CAMK2D: variants seen among roughly 807,000 people sequenced by gnomAD.
The protein encoded by CAMK2D is calcium/calmodulin dependent protein kinase II delta, also known as calcium/calmodulin-dependent protein kinase type II subunit delta.
A neutral mutation model predicts 84.0 loss-of-function variants in CAMK2D; 37 were observed. The observed-to-expected ratio is 0.44, with a 90% CI of 0.34 to 0.58. The LOEUF (loss-of-function observed/expected upper bound fraction) is 0.58, where lower values mean the gene tolerates loss of function less well. Among genes scored for constraint, CAMK2D ranks in the 20% least tolerant of loss-of-function variants. The pLI is 0.02. For synonymous variants in CAMK2D, 202 were observed against 212.5 expected (o/e 0.95, Z 0.43); for missense variants, 448 against 652.5 (o/e 0.69, Z 3.41).
At position 113,757,150 on chromosome 4, in the gene CAMK2D, G is replaced by A. The variant is rs1474467177; in HGVS notation, c.160+2170C>T. 3.9e-5 allele frequency among the ~76,000 whole-genome samples: 6 copies of A among 152,146 alleles called. No individual in the cohort carries two copies. The South Asian group carries it at 8.3e-4, about 21-fold the overall frequency. ...AAACGAAATTTATGCCTAAGTAGTA[G>A]AGCAAAGATTCAAACGTAGTTCTCA... On this transcript the variant is annotated intron_variant, in intron 2 of 20. Coordinates refer to ENST00000511664, the MANE Select transcript of CAMK2D (RefSeq NM_001321571.2).
intron 2 of CAMK2D, among the ~76,000 whole-genome samples, chr4:113,698,223 C>G (rs1393341056): frequency 1.3e-5 from 2 of 152,030 alleles, no homozygotes; most frequent in African/African-American, 4.8e-5. Flanking sequence ...AATCAAATTA[C>G]AGTTTCTATT....
At chr4:113,699,908 TTA>T (rs1476736975) in intron 2 of CAMK2D, among the ~76,000 whole-genome samples, 1 of 152,204 alleles carries the variant, frequency 6.6e-6, no homozygotes, top group Non-Finnish European at 1.5e-5. Flanking sequence ...TCCTTAGGAA[TTA>T]TGAGTCATGT....
chr4:113,517,860 G>A (rs1438721790), intron 8 of CAMK2D, among the ~76,000 whole-genome samples: 1 of 152,122 alleles, frequency 6.6e-6, no homozygotes, highest in Non-Finnish European at 1.5e-5. Flanking sequence ...CCAGAACTCT[G>A]ACAATGTGTC....
chr4:113,652,561 T>C (rs1173973394), intron 3 of CAMK2D, among the ~76,000 whole-genome samples: 1 of 152,082 alleles, frequency 6.6e-6, no homozygotes, highest in Non-Finnish European at 1.5e-5. Context: ...TTCTTCCCCA[T>C]GGTGAGAAAA....
intron 6 of CAMK2D, among the ~76,000 whole-genome samples, chr4:113,539,109 A>G (rs2098512868): frequency 6.6e-6 from 1 of 152,220 alleles, no homozygotes; most frequent in African/African-American, 2.4e-5. Flanking sequence ...CACATGTTAA[A>G]TTATTTTAAT....
At chr4:113,651,189 G>C (rs1210557727) in intron 3 of CAMK2D, among the ~76,000 whole-genome samples, 1 of 152,066 alleles carries the variant, frequency 6.6e-6, no homozygotes, top group Non-Finnish European at 1.5e-5. Context: ...CTTCAACATA[G>C]ACCATTAGAC....
At chr4:113,516,317 G>A (rs2098282618) in intron 9 of CAMK2D, among the ~76,000 whole-genome samples, 1 of 152,162 alleles carries the variant, frequency 6.6e-6, no homozygotes, top group Non-Finnish European at 1.5e-5. Flanking sequence ...AAACACACGA[G>A]GCTGTTTCTT....
intron 3 of CAMK2D, among the ~76,000 whole-genome samples, chr4:113,661,403 A>G (rs775017115): frequency 4.0e-4 from 61 of 152,202 alleles, no homozygotes; most frequent in Non-Finnish European, 7.3e-5. Flanking sequence ...TTATTCTTTA[A>G]ATTACACTCA....
chr4:113,533,569 T>C (rs2098471510), intron 7 of CAMK2D, among the ~76,000 whole-genome samples: 1 of 151,950 alleles, frequency 6.6e-6, no homozygotes, highest in African/African-American at 2.4e-5. Context: ...TTGTAACACA[T>C]TGGCATAAAA....
At chr4:113,569,305 T>C (rs1431552107) in intron 4 of CAMK2D, among the ~76,000 whole-genome samples, 2 of 152,246 alleles carry the variant, frequency 1.3e-5, no homozygotes, top group Non-Finnish European at 2.9e-5. Flanking sequence ...AAAAAATTGT[T>C]GGCAAATCCA....
At chr4:113,463,787 CAACAT>C (rs1266054857) in intron 17 of CAMK2D, among the ~76,000 whole-genome samples, 2 of 152,172 alleles carry the variant, frequency 1.3e-5, no homozygotes, top group South Asian at 2.1e-4. Flanking sequence ...GCTAGAAACT[CAACAT>C]AACCATTGTA....
chr4:113,643,416 C>T (rs1395068416), intron 3 of CAMK2D, among the ~76,000 whole-genome samples: 1 of 152,174 alleles, frequency 6.6e-6, no homozygotes, highest in Non-Finnish European at 1.5e-5. Flanking sequence ...TGCTCATGCA[C>T]CCAAATTTAA....
At chr4:113,482,179 G>C (rs2097708638) in intron 16 of CAMK2D, among the ~76,000 whole-genome samples, 1 of 152,144 alleles carries the variant, frequency 6.6e-6, no homozygotes, top group African/African-American at 2.4e-5. Context: ...AGCAGAAGCA[G>C]GTCAATGGCT....
At chr4:113,457,150 C>A (rs2097312554) in intron 19 of CAMK2D, 185 bp downstream of exon 19, 1 of 1,426,774 alleles carries the variant, frequency 7.0e-7, no homozygotes, top group Non-Finnish European at 9.1e-7. Flanking sequence ...TTTCAACCCA[C>A]AAATGGCTGA....
chr4:113,607,269 A>C (rs1422732303), intron 4 of CAMK2D, among the ~76,000 whole-genome samples: 1 of 152,164 alleles, frequency 6.6e-6, no homozygotes, highest in Non-Finnish European at 1.5e-5. Context: ...GCCAGATGAA[A>C]CTACGGCCAC....
intron 4 of CAMK2D, among the ~76,000 whole-genome samples, chr4:113,566,387 C>T (rs77382587): frequency 0.041 from 6,232 of 152,246 alleles, 162 homozygotes; most frequent in South Asian, 0.081. Flanking sequence ...AAATCATTGT[C>T]ATTTTTTTTC....
chr4:113,756,928 G>A (rs1161723100), intron 2 of CAMK2D, among the ~76,000 whole-genome samples: 1 of 152,016 alleles, frequency 6.6e-6, no homozygotes, highest in East Asian at 1.9e-4. Flanking sequence ...AAATAAAATT[G>A]TTGACCATTT....
intron 4 of CAMK2D, among the ~76,000 whole-genome samples, chr4:113,556,360 C>T (rs1016492328): frequency 3.3e-5 from 5 of 152,060 alleles, no homozygotes; most frequent in East Asian, 3.9e-4. Context: ...ACAAGGGGCT[C>T]GGAATACCCC....
intron 4 of CAMK2D, among the ~76,000 whole-genome samples, chr4:113,566,918 C>T (rs2098727388): frequency 6.6e-6 from 1 of 152,138 alleles, no homozygotes; most frequent in Non-Finnish European, 1.5e-5. Context: ...TACTCATTAT[C>T]CATCCCCTCC....
Sources: allele counts gnomAD v4.1 joint callset (sites outside exome capture counted in the v4.1 genomes callset), GRCh38; gene constraint gnomAD v4.1.1; transcripts MANE v1.5; gene names NCBI Gene and HGNC (gene_info 2026-07-23, HGNC 2026-07-21).